C4orf51: variants seen among roughly 807,000 people sequenced by gnomAD.
The protein encoded by C4orf51 is chromosome 4 open reading frame 51, also known as uncharacterized protein C4orf51.
Under a neutral mutation model 25.2 loss-of-function variants are expected in C4orf51, and 25 were observed. That is an observed-to-expected ratio of 0.99 (90% CI 0.72 to 1.39). C4orf51 has a LOEUF of 1.39. C4orf51 is among the 40% of genes most tolerant of loss of function. C4orf51 has a pLI of 0.00. For synonymous variants in C4orf51, 100 were observed against 84.5 expected, an observed-to-expected ratio of 1.18 and a Z score of -1.01; for missense variants, 252 against 239.6, an observed-to-expected ratio of 1.05 and a Z score of -0.34.
chr4:145,779,412 C>T, the C4orf51 span: 32 of 1,613,944 alleles, frequency 2.0e-5, no homozygotes, highest in Admixed American at 2.0e-4. Flanking sequence ...TGTCTGCTGT[C>T]GGCCAAACAC....
intron 1 of C4orf51, among the ~76,000 whole-genome samples, chr4:145,745,570 T>G (rs1192984454): frequency 2.0e-5 from 3 of 152,224 alleles, no homozygotes; most frequent in African/African-American, 7.2e-5. Flanking sequence ...TCTTTATAGC[T>G]GAATAGTACT....
intron 1 of C4orf51, among the ~76,000 whole-genome samples, chr4:145,682,463 T>C (rs1728898902): frequency 1.3e-5 from 2 of 152,334 alleles, no homozygotes; most frequent in South Asian, 4.1e-4. Flanking sequence ...ACATTTTACA[T>C]TGCTATAAAG....
rs917872106 is a variant in C4orf51, at chr4:145,765,421, G to A, written n.167-5567G>A. ...AAAAGAAATACAACCTTTAGGTGAG[G>A]CCCAGCATACTGCATCCTGGGCCTA... is the stretch of plus-strand genomic sequence containing the variant. On this transcript the variant is annotated intron_variant and non_coding_transcript_variant, in intron 1 of 1. Transcript: ENST00000510096. This position sits in a 1 kb window ranked among gnomAD's most constrained non-coding sequence, Gnocchi z 4.7. 30 of 1,197,326 alleles carry A rather than the reference G, an allele frequency of 2.5e-5. No homozygotes were observed. The highest frequency in any genetic ancestry group is 3.5e-5 in the Non-Finnish European group (30 of 867,916). The allele number at this position is 1,197,326 out of a possible 1,614,324, so 74.2% of individuals were successfully genotyped here. A position where few individuals can be genotyped will look rare whatever the true frequency, so the allele number is the denominator to read the frequency against.
At chr4:145,783,903 CCTTGT>C in the C4orf51 span, among the ~76,000 whole-genome samples, 1 of 152,032 alleles carries the variant, frequency 6.6e-6, no homozygotes, top group African/African-American at 2.4e-5. Flanking sequence ...GGAGGTGGGG[CCTTGT>C]GGGAGGTGAT....
intron 3 of C4orf51, among the ~76,000 whole-genome samples, chr4:145,728,047 TAC>T (rs66860071): frequency 0.12 from 16,337 of 133,174 alleles, 1,316 homozygotes; most frequent in African/African-American, 0.22. Context: ...AATATATATA[TAC>T]ACACACACAC....
At chr4:145,788,908 T>G in the C4orf51 span, among the ~76,000 whole-genome samples, 1 of 152,258 alleles carries the variant, frequency 6.6e-6, no homozygotes, top group Non-Finnish European at 1.5e-5. Flanking sequence ...ATTTACTCAA[T>G]GTCTAACAGA....
intron 1 of C4orf51, among the ~76,000 whole-genome samples, chr4:145,681,787 T>A (rs1403161479): frequency 1.3e-5 from 2 of 152,182 alleles, no homozygotes; most frequent in Non-Finnish European, 2.9e-5. Flanking sequence ...CCTCTTGAGA[T>A]AACTAACCTG....
chr4:145,700,701 C>T (rs1730380045), intron 2 of C4orf51, among the ~76,000 whole-genome samples: 1 of 152,092 alleles, frequency 6.6e-6, no homozygotes, highest in Non-Finnish European at 1.5e-5. Flanking sequence ...ATCTTCCTTC[C>T]TTCCCGCCTG....
chr4:145,771,905 A>T (rs1736344529), downstream of C4orf51, among the ~76,000 whole-genome samples: 1 of 152,238 alleles, frequency 6.6e-6, no homozygotes, highest in Admixed American at 6.5e-5. Flanking sequence ...AGGCTCATAA[A>T]ATTAGAGAAT....
chr4:145,731,113 G>A (rs755840636), intron 5 of C4orf51, among the ~76,000 whole-genome samples: 7 of 152,186 alleles, frequency 4.6e-5, no homozygotes, highest in Non-Finnish European at 8.8e-5. Flanking sequence ...GTTGATGCCT[G>A]TTTCTAGGAA....
downstream of C4orf51, chr4:145,774,372 TG>T: frequency 1.0e-6 from 1 of 990,098 alleles, no homozygotes; most frequent in Admixed American, 2.5e-5. Flanking sequence ...TTTCATGCCT[TG>T]GGAAAGTCCT....
chr4:145,714,270 T>A (rs1731280425), intron 2 of C4orf51, among the ~76,000 whole-genome samples: 1 of 152,220 alleles, frequency 6.6e-6, no homozygotes, highest in African/African-American at 2.4e-5. Flanking sequence ...AATACGATGC[T>A]ATAGAGTACA....
intron 1 of C4orf51, among the ~76,000 whole-genome samples, chr4:145,691,806 C>A (rs1014134479): frequency 2.0e-5 from 3 of 152,114 alleles, no homozygotes; most frequent in Non-Finnish European, 4.4e-5. Flanking sequence ...TGAATAACTA[C>A]CTATTGGGTA....
chr4:145,784,128 C>T, the C4orf51 span, among the ~76,000 whole-genome samples: 1 of 152,134 alleles, frequency 6.6e-6, no homozygotes, highest in South Asian at 2.1e-4. Flanking sequence ...CCCCAGAAGC[C>T]AAGCAGATGC....
intron 3 of C4orf51, among the ~76,000 whole-genome samples, chr4:145,728,067 C>T (rs533840414): frequency 1.4e-5 from 2 of 142,684 alleles, no homozygotes; most frequent in South Asian, 2.2e-4. Flanking sequence ...CACACACACA[C>T]ACGCCATATA....
Position 145,765,256 on chromosome 4 carries a change from C to T in C4orf51, n.167-5732C>T. On this transcript the variant is annotated intron_variant and non_coding_transcript_variant, in intron 1 of 1. Coordinates refer to the C4orf51 transcript ENST00000510096. The surrounding 1 kb of genome is among the most constrained non-coding windows in gnomAD (Gnocchi z 4.7). ...CCAAGCTCCTCCCCACTTCCTCCCG[C>T]CTCCTCCGACGCCTGACAGCTATAC... The T allele has an allele frequency of 1.5e-6, 2 of 1,368,316 alleles. No homozygotes were observed. The highest frequency in any genetic ancestry group is 2.0e-6 in the Non-Finnish European group (2 of 1,020,678). The allele number at this position is 1,368,316 out of a possible 1,614,324, so 84.8% of individuals were successfully genotyped here. A position where few individuals can be genotyped will look rare whatever the true frequency, so the allele number is the denominator to read the frequency against.
chr4:145,729,923 C>T lies in C4orf51; in HGVS notation c.459C>T (p.Ala153=). The part of the protein sequence containing the change: ...CVRPKKPAQE[A]LINYSRRGKG... ...GACCTAAAAAGCCAGCACAGGAGGC[C>T]CTGATAAACTACAGTCGACGAGGGA... Residue 153 remains alanine (A), a synonymous_variant, in exon 5 of 6, where the codon GCC becomes GCT. Transcript: ENST00000438731. 6.2e-7 allele frequency: 1 copy of T among 1,613,904 alleles called. No individual in the cohort carries two copies. Among genetic ancestry groups the T allele is most frequent in the Non-Finnish European group, 8.5e-7 (1 of 1,179,842 alleles).
At chr4:145,754,129 A>T (rs1198017016) in intron 1 of C4orf51, 1 of 152,204 alleles carries the variant, frequency 6.6e-6, no homozygotes, top group African/African-American at 2.4e-5. Flanking sequence ...GGCAACATTC[A>T]CACCAAATAT....
chr4:145,768,326 G>A (rs1417617620), intron 1 of C4orf51, among the ~76,000 whole-genome samples: 1 of 152,048 alleles, frequency 6.6e-6, no homozygotes, highest in Non-Finnish European at 1.5e-5. Flanking sequence ...CATCATGCCT[G>A]GCTAATTTTT....
Sources: gnomAD v4.1 joint callset for allele counts (sites outside exome capture counted in the v4.1 genomes callset) on GRCh38, gnomAD v4.1.1 for gene constraint, Gnocchi (gnomAD v3.1) non-coding constraint, MANE v1.5 for transcripts, NCBI Gene and HGNC (gene_info 2026-07-23, HGNC 2026-07-21) for gene names.